Variants in DCLK2 observed in about 807,000 individuals in gnomAD.
The protein encoded by DCLK2 is serine/threonine-protein kinase DCLK2.
Under a neutral mutation model 78.4 loss-of-function variants are expected in DCLK2, and 31 were observed. The observed-to-expected ratio is 0.40, with a 90% CI of 0.30 to 0.53. The LOEUF (loss-of-function observed/expected upper bound fraction) is 0.53. DCLK2 is among the 20% of genes least tolerant of loss of function. The pLI is 0.61. For missense variants in DCLK2, 872 were observed against 973.7 expected (o/e 0.90, Z 1.39); for synonymous variants, 407 against 374.9 (o/e 1.09, Z -0.99).
rs1230778365 is a variant in DCLK2, at chr4:150,102,759, A to G, written c.703A>G (p.Ile235Val). 1.2e-6 allele frequency: 2 copies of G among 1,613,986 alleles called. No homozygotes were observed. Among genetic ancestry groups the G allele is most frequent in the Non-Finnish European group, 8.5e-7 (1 of 1,180,016 alleles). The change falls in exon 2 of 16, where the codon ATT becomes GTT. Residue 235 changes from isoleucine (I) to valine (V), a missense_variant. Transcript: ENST00000296550. The stretch of plus-strand genomic sequence containing the variant: ...AGTCTTAACAGATATCACCGAAGCC[A>G]TTAAACTAGACTCAGGAGTCGTCAA... ...EQVLTDITEAIKLDSGVVKRL... is the reference protein window; with the variant it reads ...EQVLTDITEAVKLDSGVVKRL...
intron 2 of DCLK2, among the ~76,000 whole-genome samples, chr4:150,137,125 G>T (rs141266645): frequency 7.9e-5 from 12 of 151,658 alleles, no homozygotes; most frequent in Admixed American, 7.2e-4. Flanking sequence ...GAGACTATGC[G>T]TGGGCCACCA....
chr4:150,132,707 C>A (rs913781267), intron 2 of DCLK2, among the ~76,000 whole-genome samples: 1 of 152,194 alleles, frequency 6.6e-6, no homozygotes, highest in African/African-American at 2.4e-5. Flanking sequence ...GCCTCAGTCT[C>A]CCAAGTAGCT....
intron 2 of DCLK2, among the ~76,000 whole-genome samples, chr4:150,152,766 A>AT (rs900392249): frequency 2.0e-5 from 3 of 152,182 alleles, no homozygotes; most frequent in Non-Finnish European, 4.4e-5. Flanking sequence ...TCAAAGAATA[A>AT]TTTTTTTAAA....
chr4:150,178,364 T>C (rs1172494809), intron 2 of DCLK2, among the ~76,000 whole-genome samples: 1 of 152,214 alleles, frequency 6.6e-6, no homozygotes, highest in Non-Finnish European at 1.5e-5. Flanking sequence ...TTAATTGTGG[T>C]GTATGCCTCA....
intron 8 of DCLK2, among the ~76,000 whole-genome samples, chr4:150,225,020 G>A (rs147695621): frequency 9.7e-4 from 148 of 152,336 alleles, no homozygotes; most frequent in Non-Finnish European, 1.8e-3. Context: ...GTCCCATAGT[G>A]GTGAGGCTGA....
At chr4:150,119,709 C>G (rs1732377192) in intron 2 of DCLK2, among the ~76,000 whole-genome samples, 1 of 150,980 alleles carries the variant, frequency 6.6e-6, no homozygotes, top group African/African-American at 2.4e-5. Flanking sequence ...ATGCCCAATG[C>G]AAATACAGAC....
intron 1 of DCLK2, among the ~76,000 whole-genome samples, chr4:150,080,623 C>A (rs1729189820): frequency 6.6e-6 from 1 of 152,220 alleles, no homozygotes; most frequent in Non-Finnish European, 1.5e-5. Flanking sequence ...TCTCAGCATG[C>A]TTTTCTGTCC....
intron 2 of DCLK2, among the ~76,000 whole-genome samples, chr4:150,170,958 T>A (rs1267350116): frequency 1.3e-5 from 2 of 152,212 alleles, no homozygotes; most frequent in East Asian, 3.8e-4. Context: ...TCTGCCCAGT[T>A]TCAGAAATTG....
intron 5 of DCLK2, among the ~76,000 whole-genome samples, chr4:150,213,542 GA>G (rs1740465824): frequency 6.6e-6 from 1 of 151,078 alleles, no homozygotes; most frequent in African/African-American, 2.4e-5. Flanking sequence ...TCCTAATGTT[GA>G]AAAAACCCAC....
intron 12 of DCLK2, among the ~76,000 whole-genome samples, chr4:150,245,716 C>T (rs1406712708): frequency 6.6e-6 from 1 of 152,162 alleles, no homozygotes; most frequent in East Asian, 1.9e-4. Context: ...TTTATGACTG[C>T]ATAGTATTCC....
chr4:150,216,195 A>G (rs564007896), intron 5 of DCLK2, among the ~76,000 whole-genome samples: 1 of 152,326 alleles, frequency 6.6e-6, no homozygotes, highest in Admixed American at 6.5e-5. Context: ...TTACCATAGG[A>G]CCCTCTGACA....
intron 1 of DCLK2, among the ~76,000 whole-genome samples, chr4:150,095,457 T>C (rs1415585143): frequency 2.0e-5 from 3 of 152,228 alleles, no homozygotes; most frequent in Non-Finnish European, 4.4e-5. Flanking sequence ...ATAGCTCTCA[T>C]TTGTTCATTT....
At chr4:150,241,750 C>T (rs1184117398) in intron 12 of DCLK2, among the ~76,000 whole-genome samples, 1 of 152,114 alleles carries the variant, frequency 6.6e-6, no homozygotes, top group African/African-American at 2.4e-5. Flanking sequence ...GTTGAGGGCT[C>T]ACTTCTTGGT....
intron 2 of DCLK2, among the ~76,000 whole-genome samples, chr4:150,147,548 T>C (rs4353883): frequency 0.16 from 24,980 of 152,266 alleles, 2,464 homozygotes; most frequent in Non-Finnish European, 0.23. Context: ...TTGTCCCATG[T>C]ACCTGGTGCT....
intron 2 of DCLK2, among the ~76,000 whole-genome samples, chr4:150,119,044 T>TAATAATA (rs141800668): frequency 5.2e-5 from 6 of 115,354 alleles, no homozygotes; most frequent in Admixed American, 1.9e-4. Context: ...ACAATAATAA[T>TAATAATA]ATAATAATAA....
chr4:150,226,095 C>T (rs977148775), intron 8 of DCLK2, among the ~76,000 whole-genome samples: 1 of 152,172 alleles, frequency 6.6e-6, no homozygotes, highest in Non-Finnish European at 1.5e-5. Context: ...AACCCCTAAA[C>T]TGGTCTTCAT....
At chr4:150,228,246 G>T (rs2126555793) in intron 8 of DCLK2, among the ~76,000 whole-genome samples, 1 of 152,324 alleles carries the variant, frequency 6.6e-6, no homozygotes, top group Non-Finnish European at 1.5e-5. Flanking sequence ...ATATTTGCAA[G>T]TTGCAGGGAT....
chr4:150,133,935 C>G (rs541678422), intron 2 of DCLK2, among the ~76,000 whole-genome samples: 2 of 152,134 alleles, frequency 1.3e-5, no homozygotes, highest in South Asian at 2.1e-4. Flanking sequence ...CAAATATTGT[C>G]CAGTTCTAAT....
intron 1 of DCLK2, among the ~76,000 whole-genome samples, chr4:150,093,348 A>G (rs1285372466): frequency 6.6e-6 from 1 of 152,226 alleles, no homozygotes; most frequent in East Asian, 1.9e-4. Flanking sequence ...AAAGTGATTT[A>G]CAGATTCAAT....
Sources: allele counts gnomAD v4.1 joint callset (sites outside exome capture counted in the v4.1 genomes callset), GRCh38; gene constraint gnomAD v4.1.1; transcripts MANE v1.5; gene names NCBI Gene and HGNC (gene_info 2026-07-23, HGNC 2026-07-21).